Variants in LMLN observed in about 807,000 individuals in gnomAD.
The protein encoded by LMLN is leishmanolysin-like peptidase.
In LMLN, 70 loss-of-function variants were observed where a neutral mutation model predicts 92.3. That is an observed-to-expected ratio of 0.76 (90% CI 0.63 to 0.92). The LOEUF is 0.92. LMLN is among the 40% of genes least tolerant of loss of function. The probability of loss-of-function intolerance (pLI) is 0.00; values close to 1 mark genes in which losing one functional copy is unlikely to be tolerated. For synonymous variants in LMLN, 308 were observed against 296.2 expected, an observed-to-expected ratio of 1.04 and a Z score of -0.41; for missense variants, 691 against 814.6, an observed-to-expected ratio of 0.85 and a Z score of 1.85.
rs760483252 is a variant in LMLN at position 197,980,375 on chromosome 3, T to TG, written c.600dup (p.Pro201AlafsTer26). 3 of 1,614,084 alleles carry TG rather than the reference T, an allele frequency of 1.9e-6. No individual in the cohort carries two copies. The highest frequency in any genetic ancestry group is 3.3e-5 in the Admixed American group (2 of 60,006). ...AAGTGGCCTCATGGAGCAGTGGGTGTGCCAGACCAAGAAGGCATCTCAGAT... is the reference window on the plus strand; with the variant it reads ...AAGTGGCCTCATGGAGCAGTGGGTGTGGCCAGACCAAGAAGGCATCTCAGAT... On this transcript the variant is annotated frameshift_variant, in exon 6 of 16. Coordinates refer to ENST00000330198, the Ensembl canonical transcript of LMLN. LOFTEE classifies it high-confidence loss of function.
intron 11 of LMLN, among the ~76,000 whole-genome samples, chr3:198,008,547 G>A (rs921843958): frequency 3.3e-5 from 5 of 152,096 alleles, no homozygotes; most frequent in Non-Finnish European, 5.9e-5. Flanking sequence ...ACAACATGGC[G>A]AAAGCCCATC....
chr3:197,997,477 A>G (rs6800696), intron 10 of LMLN, among the ~76,000 whole-genome samples: 141,067 of 152,288 alleles, frequency 0.93, 65,488 homozygotes, highest in East Asian at 1. Flanking sequence ...ATAATAACCC[A>G]TGGTAGCTGG....
At chr3:197,989,720 A>G (rs1195058943) in intron 8 of LMLN, among the ~76,000 whole-genome samples, 1 of 151,706 alleles carries the variant, frequency 6.6e-6, no homozygotes. Flanking sequence ...TGAAAAGATG[A>G]AATTTAAAAC....
intron 11 of LMLN, among the ~76,000 whole-genome samples, chr3:198,007,016 T>G (rs951068570): frequency 6.6e-6 from 1 of 152,228 alleles, no homozygotes; most frequent in South Asian, 2.1e-4. Context: ...GCCAATTTTT[T>G]AATTGGATTG....
intron 7 of LMLN, among the ~76,000 whole-genome samples, chr3:197,985,336 G>A (rs191837289): frequency 6.7e-6 from 1 of 149,374 alleles, no homozygotes; most frequent in Non-Finnish European, 1.5e-5. Flanking sequence ...ATATATATAA[G>A]AAGGCCAAAA....
intron 10 of LMLN, among the ~76,000 whole-genome samples, chr3:197,997,780 AC>A (rs1483387697): frequency 6.6e-6 from 1 of 152,252 alleles, no homozygotes; most frequent in Non-Finnish European, 1.5e-5. Flanking sequence ...CATCGCAGAA[AC>A]ACATGCTTTC....
intron 1 of LMLN, among the ~76,000 whole-genome samples, chr3:197,962,309 T>C (rs1423168524): frequency 6.8e-6 from 1 of 146,658 alleles, no homozygotes; most frequent in Non-Finnish European, 1.5e-5. Context: ...GTGATAGTAA[T>C]TTATTCCTTT....
chr3:197,983,733 A>G (rs1293481251), intron 6 of LMLN, among the ~76,000 whole-genome samples: 2 of 152,160 alleles, frequency 1.3e-5, no homozygotes, highest in East Asian at 1.9e-4. Context: ...AGTATAATCA[A>G]GTATGTCCTT....
intron 1 of LMLN, among the ~76,000 whole-genome samples, chr3:197,967,051 C>A (rs1396564458): frequency 6.6e-6 from 1 of 152,214 alleles, no homozygotes; most frequent in African/African-American, 2.4e-5. Flanking sequence ...CTACCTTGGC[C>A]TCCCAAAGCT....
In LMLN at chr3:198,031,816, CTG is replaced by C. The variant is rs1723085044; in HGVS notation, c.1657-4016_1657-4015del. On this transcript the variant is annotated intron_variant, in intron 14 of 15. Transcript: ENST00000330198. The surrounding 1 kb of genome is among the most constrained non-coding windows in gnomAD (Gnocchi z 4.8). ...CAGCCTGTTCATATTCAAGAAGTGA[CTG>C]GAGCCTGGCACAGTGGCTCACACCT... is the stretch of plus-strand genomic sequence containing the variant. Among the ~76,000 whole-genome samples, 1 of 151,988 alleles carries C rather than the reference CTG, an allele frequency of 6.6e-6. No homozygotes were observed. Among genetic ancestry groups the C allele is most frequent in the South Asian group, 2.1e-4 (1 of 4,820 alleles).
intron 3 of LMLN, 64 bp downstream of exon 3, chr3:197,975,136 T>C: frequency 1.1e-6 from 1 of 900,888 alleles, no homozygotes; most frequent in African/African-American, 1.7e-5. Context: ...GAAATTCTAC[T>C]TCAGTAAAGA....
intron 11 of LMLN, among the ~76,000 whole-genome samples, chr3:198,001,447 T>C (rs1722170352): frequency 6.6e-6 from 1 of 152,196 alleles, no homozygotes; most frequent in Non-Finnish European, 1.5e-5. Context: ...CATCGACATG[T>C]ACCTTCACAA....
At chr3:197,962,852 T>G (rs1005488843) in intron 1 of LMLN, among the ~76,000 whole-genome samples, 3 of 152,066 alleles carry the variant, frequency 2.0e-5, no homozygotes, top group Non-Finnish European at 4.4e-5. Context: ...GACAGTATTG[T>G]TATTGTAAGC....
exon 16 of LMLN, chr3:198,041,822 T>C (rs1290427995): frequency 6.6e-6 from 1 of 152,186 alleles, no homozygotes; most frequent in Non-Finnish European, 1.5e-5. Context: ...AGAGTCACAG[T>C]GATAGGTTCG....
Position 197,991,973 on chromosome 3 carries a change from T to A in LMLN, c.1047+1297T>A, listed in dbSNP as rs186147641. On this transcript the variant is annotated intron_variant, in intron 9 of 15. Coordinates refer to ENST00000330198, the Ensembl canonical transcript of LMLN. ...GCCTGCTGGGTTCAAGTGATTCTCC[T>A]GCCTCAGCCTCCCAAGTAGCTGGAA... Among the ~76,000 whole-genome samples, 5 of 151,230 alleles carry A rather than the reference T, an allele frequency of 3.3e-5. No homozygotes were observed. The East Asian group carries it at 9.8e-4, about 30-fold the overall frequency.
At chr3:197,981,668 G>C (rs1445039667) in intron 6 of LMLN, among the ~76,000 whole-genome samples, 2 of 152,206 alleles carry the variant, frequency 1.3e-5, no homozygotes, top group Non-Finnish European at 2.9e-5. Context: ...AAGATTGCCT[G>C]TCACACACTA....
chr3:197,966,684 A>G (rs1010090781), intron 1 of LMLN, among the ~76,000 whole-genome samples: 1 of 152,094 alleles, frequency 6.6e-6, no homozygotes, highest in African/African-American at 2.4e-5. Flanking sequence ...TTGAATGTCA[A>G]ATCAGCCTTG....
chr3:197,994,423 C>G (rs1219641869), intron 9 of LMLN, among the ~76,000 whole-genome samples: 1 of 152,066 alleles, frequency 6.6e-6, no homozygotes, highest in Non-Finnish European at 1.5e-5. Context: ...GTACAAACAG[C>G]CCATTTAAAA....
intron 14 of LMLN, among the ~76,000 whole-genome samples, chr3:198,030,124 G>A (rs927387670): frequency 6.6e-5 from 10 of 152,276 alleles, no homozygotes; most frequent in East Asian, 1.9e-4. Context: ...GATTACAGGC[G>A]TGAGCCACTG....
Sources: allele counts gnomAD v4.1 joint callset (sites outside exome capture counted in the v4.1 genomes callset), GRCh38; gene constraint gnomAD v4.1.1; non-coding constraint Gnocchi (gnomAD v3.1); transcripts MANE v1.5; gene names NCBI Gene and HGNC (gene_info 2026-07-23, HGNC 2026-07-21).